Variants in KHDC4 observed in about 807,000 individuals in gnomAD.
The protein encoded by KHDC4 is KH domain containing 4, pre-mRNA splicing factor.
KHDC4 carries 19 observed loss-of-function variants against 74.5 expected under a neutral mutation model. The observed-to-expected ratio is 0.26, with a 90% CI of 0.18 to 0.37. The LOEUF is 0.37. Among genes scored for constraint, KHDC4 ranks in the 10% least tolerant of loss-of-function variants. KHDC4 has a pLI of 1.00. For synonymous variants in KHDC4, 253 were observed against 266.1 expected, an observed-to-expected ratio of 0.95 and a Z score of 0.48; for missense variants, 632 against 754.1, an observed-to-expected ratio of 0.84 and a Z score of 1.90.
chr1:155,928,584 T>G (rs1674072425), intron 4 of KHDC4, among the ~76,000 whole-genome samples: 1 of 67,952 alleles, frequency 1.5e-5, no homozygotes, highest in African/African-American at 5.6e-5. Context: ...ACTATAACCA[T>G]CATAAAGACA....
chr1:155,925,221 C>T (rs1308901345), intron 7 of KHDC4, among the ~76,000 whole-genome samples: 3 of 151,744 alleles, frequency 2.0e-5, no homozygotes, highest in Non-Finnish European at 4.4e-5. Context: ...TTAGTAGAGA[C>T]GGGGTTTCAC....
At position 155,918,890 on chromosome 1, in the gene KHDC4, C is replaced by T. The variant is rs1044864879; in HGVS notation, c.1267-1218G>A. On this transcript the variant is annotated intron_variant, in intron 10 of 13. Coordinates refer to ENST00000368321, the MANE Select transcript of KHDC4 (RefSeq NM_014949.4). ...CATCTAAGGAAAACCAAACCCTAGA[C>T]AGGGCAAGTTACATCCCAATATCAC... is the stretch of plus-strand genomic sequence containing the variant. Among the ~76,000 whole-genome samples, 29 of 151,320 alleles carry T rather than the reference C, an allele frequency of 1.9e-4. No individual in the cohort carries two copies. In the East Asian group the frequency reaches 2.1e-3, roughly 11 times the overall value.
At chr1:155,929,899 T>A (rs1045864382) in intron 2 of KHDC4, 59 bp from the exon 3 acceptor site, 24 of 1,151,988 alleles carry the variant, frequency 2.1e-5, no homozygotes, top group Admixed American at 3.4e-5. Context: ...TCTATTTTTT[T>A]ATTTTATTTA....
At position 155,914,067 on chromosome 1, in the gene KHDC4, A is replaced by C; in HGVS notation, c.*54T>G. On this transcript the variant is annotated 3_prime_UTR_variant, in exon 14 of 14. Transcript: ENST00000368321. ...CCCAGAGTCTTGTTAAATCAAATGC[A>C]TGCATTATTGCTAAGAAGAGTCACT... The C allele has an allele frequency of 7.0e-7, 1 of 1,426,924 alleles. No individual in the cohort carries two copies. The highest frequency in any genetic ancestry group is 9.9e-7 in the Non-Finnish European group (1 of 1,009,604). The allele number at this position is 1,426,924 out of a possible 1,614,324, so 88.4% of individuals were successfully genotyped here.
intron 10 of KHDC4, chr1:155,919,888 GTTCAT>G: frequency 7.1e-6 from 2 of 283,538 alleles, no homozygotes; most frequent in Non-Finnish European, 1.4e-5. Flanking sequence ...ATAAAATTTA[GTTCAT>G]AGCTTTTTTG....
At chr1:155,930,203 G>T (rs1431709025) in intron 2 of KHDC4, among the ~76,000 whole-genome samples, 2 of 152,180 alleles carry the variant, frequency 1.3e-5, no homozygotes, top group African/African-American at 2.4e-5. Flanking sequence ...GTGAGCCACT[G>T]TGCCCAGCTG....
At position 155,917,447 on chromosome 1, in the gene KHDC4, AAT is replaced by A; in HGVS notation, c.1440+50_1440+51del. On this transcript the variant is annotated intron_variant, in intron 11 of 13. Coordinates refer to ENST00000368321, the MANE Select transcript of KHDC4 (RefSeq NM_014949.4). ...GTGAATTTATCTTTTTTAAAGGGAG[AAT>A]ATAGTAGAAGAATAAGGTGAAGATA... The A allele has an allele frequency of 7.4e-6, 10 of 1,358,870 alleles. 1 individual carries two copies. Among genetic ancestry groups the A allele is most frequent in the Middle Eastern group, 4.0e-4 (2 of 5,062 alleles). The allele number at this position is 1,358,870 out of a possible 1,614,324, so 84.2% of individuals were successfully genotyped here.
chr1:155,915,915 ACT>A lies in KHDC4; in HGVS notation c.1601_1602del (p.Glu534ValfsTer3). The A allele has an allele frequency of 6.2e-7, 1 of 1,601,122 alleles. No homozygotes were observed. The highest frequency in any genetic ancestry group is 8.5e-7 in the Non-Finnish European group (1 of 1,175,764). On this transcript the variant is annotated frameshift_variant, in exon 13 of 14. Transcript: ENST00000368321. LOFTEE classifies it high-confidence loss of function. ...GTCCCAGACCCATTCCTTTCATCGGACTCTGTTTTTATTCCAGTCACTGGAAA... is the reference window on the plus strand; with the variant it reads ...GTCCCAGACCCATTCCTTTCATCGGACTGTTTTTATTCCAGTCACTGGAAA... ...PAFPVTGIKTESDERNGSGTL... is the reference protein window; with the variant it reads ...PAFPVTGIKTXSDERNGSGTL...
chr1:155,926,402 T>C (rs1673998699), intron 6 of KHDC4: 2 of 373,154 alleles, frequency 5.4e-6, no homozygotes. Context: ...TGGTCTCAGC[T>C]CCCTGCAACC....
At chr1:155,933,398 C>A (rs913082546) in intron 2 of KHDC4, among the ~76,000 whole-genome samples, 1 of 151,510 alleles carries the variant, frequency 6.6e-6, no homozygotes, top group Non-Finnish European at 1.5e-5. Context: ...TCAAGCAGTT[C>A]TGCCTCAGCC....
At chr1:155,933,997 A>C (rs1185835906) in intron 1 of KHDC4, 148 bp from the exon 2 acceptor site, 1 of 686,682 alleles carries the variant, frequency 1.5e-6, no homozygotes, top group Non-Finnish European at 2.3e-6. Flanking sequence ...CCCTCTCCTT[A>C]AACAATTATT....
At chr1:155,926,954 C>A in intron 5 of KHDC4, 115 bp from the exon 6 acceptor site, 1 of 1,331,948 alleles carries the variant, frequency 7.5e-7, no homozygotes, top group Non-Finnish European at 1.1e-6. Context: ...ATATGTGGCT[C>A]TCCATCCCTC....
intron 3 of KHDC4, 99 bp downstream of exon 3, chr1:155,929,613 C>T: frequency 1.5e-6 from 2 of 1,377,636 alleles, no homozygotes; most frequent in Non-Finnish European, 2.0e-6. Context: ...AGACTATGAC[C>T]CAAACCCACT....
At position 155,918,145 on chromosome 1, in the gene KHDC4, G is replaced by A. The variant is rs1273988871; in HGVS notation, c.1267-473C>T. ...TTCCAAAAAGGAATAAGGGGTATCA[G>A]AAGACAGTATATATTACAGAGGAAT... On this transcript the variant is annotated intron_variant, in intron 10 of 13. Coordinates refer to ENST00000368321, the MANE Select transcript of KHDC4 (RefSeq NM_014949.4). Among the ~76,000 whole-genome samples the A allele has an allele frequency of 2.0e-5, 3 of 152,202 alleles. 1 individual carries two copies. Among genetic ancestry groups the A allele is most frequent in the Non-Finnish European group, 4.4e-5 (3 of 68,036 alleles).
chr1:155,921,892 C>A lies in KHDC4; in HGVS notation c.981G>T (p.Val327=). 6.2e-7 allele frequency: 1 copy of A among 1,609,258 alleles called. No homozygotes were observed. Among genetic ancestry groups the A allele is most frequent in the Non-Finnish European group, 8.5e-7 (1 of 1,176,578 alleles). The change falls in exon 9 of 14, where the codon GTG becomes GTT. Residue 327 remains valine, a synonymous_variant. Coordinates refer to ENST00000368321, the MANE Select transcript of KHDC4 (RefSeq NM_014949.4). ...QTVHAEYSRF[V]NQINTAVPLP... is the part of the protein sequence containing the mutation. ...AAGGTACAGCAGTATTAATCTGATT[C>A]ACAAATCTAGAGTATTCAGCATGAA...
chr1:155,917,133 GGCTAACTTTACAATTACATGTA>G (rs1169427328), intron 11 of KHDC4, among the ~76,000 whole-genome samples: 3 of 152,228 alleles, frequency 2.0e-5, no homozygotes, highest in Admixed American at 2.0e-4. Context: ...TAACTTTAGT[GGCTAACTTTACAATTACATGTA>G]CAGAATCACT....
At position 155,925,763 on chromosome 1, in the gene KHDC4, A is replaced by G. The variant is rs757450064; in HGVS notation, c.762T>C (p.Gly254=). The change falls in exon 7 of 14, where the codon GGT becomes GGC. Residue 254 remains glycine, a synonymous_variant. Coordinates refer to ENST00000368321, the MANE Select transcript of KHDC4 (RefSeq NM_014949.4). ...PTFNVKEKVE[G]PGCSYLQHIQ... is the part of the protein sequence containing the mutation. ...TGTGCTGCAAATAGGAGCAGCCTGG[A>G]CCTTCCACCTTCTCCTTGACATTAA... The G allele has an allele frequency of 1.2e-6, 2 of 1,614,052 alleles. No homozygotes were observed. Among genetic ancestry groups the G allele is most frequent in the African/African-American group, 2.7e-5 (2 of 74,920 alleles).
chr1:155,921,494 T>C lies in KHDC4; in HGVS notation c.1147A>G (p.Ile383Val). The change falls in exon 10 of 14, where the codon ATA (isoleucine) becomes GTA (valine). Residue 383 changes from isoleucine to valine, a missense_variant. Physicochemically the swap from Ile to Val is conservative, Grantham distance 29. This residue lies in a region of KHDC4 where 254 missense variants were observed against 267.4 expected (regional missense o/e 0.95). Transcript: ENST00000368321. Reference sequence around the variant, plus strand: ...GCTAATGAAACAGCTGGTGGCACTATGCTTGGTACTCCGTAGGGAGGTTGA... The same window carrying C: ...GCTAATGAAACAGCTGGTGGCACTACGCTTGGTACTCCGTAGGGAGGTTGA... ...PVQPPYGVPS[I>V]VPPAVSLAPG... 1.2e-6 allele frequency: 2 copies of C among 1,614,070 alleles called. No individual in the cohort carries two copies. The highest frequency in any genetic ancestry group is 1.1e-5 in the South Asian group (1 of 91,076).
intron 13 of KHDC4, 44 bp from the exon 14 acceptor site, chr1:155,914,364 G>GA (rs376524287): frequency 0.018 from 19,334 of 1,064,464 alleles, 38 homozygotes; most frequent in African/African-American, 0.044. Flanking sequence ...CCCGCCAAGG[G>GA]AAAAAAAAAA....
Sources: gnomAD v4.1 joint callset for allele counts (sites outside exome capture counted in the v4.1 genomes callset) on GRCh38, gnomAD v4.1.1 for gene constraint, gnomAD v4.1.1 regional missense constraint, MANE v1.5 for transcripts, NCBI Gene and HGNC (gene_info 2026-07-23, HGNC 2026-07-21) for gene names.